Variants in NLGN4X observed in about 807,000 individuals in gnomAD.
NLGN4X encodes neuroligin 4 X-linked.
In NLGN4X, 3 loss-of-function variants were observed where a neutral mutation model predicts 40.3. The observed-to-expected ratio is 0.07, with a 90% CI of 0.03 to 0.19. The LOEUF (loss-of-function observed/expected upper bound fraction) is 0.19, where lower values mean the gene tolerates loss of function less well. Ranked by LOEUF, NLGN4X falls within the 10% of genes least tolerant of loss-of-function variation. The pLI is 1.00. For missense variants in NLGN4X, 382 were observed against 708.3 expected, an observed-to-expected ratio of 0.54 and a Z score of 5.23; for synonymous variants, 270 against 306.8, an observed-to-expected ratio of 0.88 and a Z score of 1.25.
intron 2 of NLGN4X, among the ~76,000 whole-genome samples, chrX:6,138,209 T>C (rs181902520): frequency 2.2e-4 from 25 of 112,188 alleles, no homozygotes; most frequent in Non-Finnish European, 3.2e-4. Context: ...TCAATATATA[T>C]AAGCCAAGGG....
intron 2 of NLGN4X, among the ~76,000 whole-genome samples, chrX:6,041,486 T>C (rs1447594087): frequency 8.9e-6 from 1 of 111,935 alleles, no homozygotes; most frequent in Non-Finnish European, 1.9e-5. Flanking sequence ...GCCCATATGC[T>C]CCTGGAAGAT....
At chrX:6,150,327 T>C (rs1390098124) in intron 2 of NLGN4X, among the ~76,000 whole-genome samples, 1 of 112,461 alleles carries the variant, frequency 8.9e-6, no homozygotes, top group Non-Finnish European at 1.9e-5. Flanking sequence ...TGTTGTTTTA[T>C]ATAAAAAAGG....
chrX:6,173,550 A>AC (rs201225768), intron 1 of NLGN4X, among the ~76,000 whole-genome samples: 2,711 of 111,515 alleles, frequency 0.024, 81 homozygotes, highest in African/African-American at 0.079. Context: ...AGGTCCTAAG[A>AC]CCCCCCATTC....
At position 5,890,872 on chromosome X, in the gene NLGN4X, A is replaced by G. The variant is rs73450215; in HGVS notation, c.*1945T>C. On this transcript the variant is annotated 3_prime_UTR_variant, in exon 6 of 6. Coordinates refer to ENST00000381095, the MANE Select transcript of NLGN4X (RefSeq NM_181332.3). Reference sequence around the variant, plus strand: ...CTAGAGGTCACTCTCAAACACTGATATATCACTATAGTTTGAGTGTAGGGA... The same window carrying G: ...CTAGAGGTCACTCTCAAACACTGATGTATCACTATAGTTTGAGTGTAGGGA... The G allele has an allele frequency of 8.9e-3, 2,867 of 321,980 alleles. 61 individuals carry two copies. The highest frequency in any genetic ancestry group is 0.069 in the African/African-American group (2,570 of 37,326). 26.5% of individuals were successfully genotyped at this position (321,980 alleles called of 1,213,427 possible).
intron 1 of NLGN4X, among the ~76,000 whole-genome samples, chrX:6,223,747 C>T (rs1363608469): frequency 8.9e-5 from 10 of 112,865 alleles, no homozygotes; most frequent in Non-Finnish European, 1.9e-4. Flanking sequence ...TTGATTCTCA[C>T]TTCCTCTAAT....
intron 1 of NLGN4X, among the ~76,000 whole-genome samples, chrX:6,210,272 G>GTA (rs1214452437): frequency 1.3e-5 from 1 of 74,846 alleles, no homozygotes; most frequent in Non-Finnish European, 2.2e-5. Flanking sequence ...GTGTGTGTGT[G>GTA]TGTATGTATG....
intron 3 of NLGN4X, among the ~76,000 whole-genome samples, chrX:5,957,779 C>T (rs1477031898): frequency 8.9e-6 from 1 of 111,861 alleles, no homozygotes; most frequent in Non-Finnish European, 1.9e-5. Context: ...GATTAAGCAG[C>T]CCTGAATCAC....
intron 1 of NLGN4X, among the ~76,000 whole-genome samples, chrX:6,223,120 A>T (rs1290711004): frequency 9.0e-6 from 1 of 110,727 alleles, no homozygotes; most frequent in East Asian, 2.8e-4. Flanking sequence ...CCTTACTATA[A>T]TATGTATTAC....
chrX:6,117,688 C>G (rs2039333401), intron 2 of NLGN4X, among the ~76,000 whole-genome samples: 1 of 112,311 alleles, frequency 8.9e-6, no homozygotes, highest in Non-Finnish European at 1.9e-5. Context: ...ACAGCTGATC[C>G]TTTTTCCTGA....
intron 1 of NLGN4X, among the ~76,000 whole-genome samples, chrX:6,210,177 T>C (rs1924446571): frequency 9.0e-6 from 1 of 111,442 alleles, no homozygotes; most frequent in South Asian, 3.8e-4. Context: ...ATAATTTTAC[T>C]TAACTGTGGG....
At chrX:6,179,183 T>C (rs767048662) in intron 1 of NLGN4X, among the ~76,000 whole-genome samples, 55 of 107,620 alleles carry the variant, frequency 5.1e-4, no homozygotes, top group Non-Finnish European at 7.1e-4. Flanking sequence ...TATGCATACA[T>C]TGAGATAATT....
At chrX:6,190,220 TG>T (rs1922420924) in intron 1 of NLGN4X, among the ~76,000 whole-genome samples, 2 of 111,589 alleles carry the variant, frequency 1.8e-5, no homozygotes, top group South Asian at 3.7e-4. Flanking sequence ...TCAACTTTGT[TG>T]GAAACAAGAG....
At chrX:5,931,106 T>C (rs2033529409) in intron 3 of NLGN4X, among the ~76,000 whole-genome samples, 1 of 112,152 alleles carries the variant, frequency 8.9e-6, no homozygotes, top group African/African-American at 3.2e-5. Context: ...TGGATCTATA[T>C]AGTGATGGGT....
chrX:6,048,179 ACT>A (rs1273094088), intron 2 of NLGN4X, among the ~76,000 whole-genome samples: 1 of 111,407 alleles, frequency 9.0e-6, no homozygotes, highest in African/African-American at 3.3e-5. Context: ...TCACCTTAGA[ACT>A]CTCTGACACG....
At chrX:6,146,928 TTA>T (rs1214133856) in intron 2 of NLGN4X, among the ~76,000 whole-genome samples, 2 of 109,812 alleles carry the variant, frequency 1.8e-5, no homozygotes, top group African/African-American at 6.6e-5. Context: ...GTAGCTGAGA[TTA>T]CAGGCGCACA....
Position 6,153,048 on chromosome X carries a change from T to C in NLGN4X, c.-305-1277A>G, listed in dbSNP as rs562159201. Among the ~76,000 whole-genome samples the C allele has an allele frequency of 5.1e-4, 58 of 112,860 alleles. 1 individual carries two copies. The South Asian group carries it at 0.019, about 38-fold the overall frequency. ...AATGATCCCCTAGGAACAGAAAATA[T>C]TTCACTAGGTGTTGCAAGGAGGGTG... On this transcript the variant is annotated intron_variant, in intron 1 of 5. Coordinates refer to ENST00000381095, the MANE Select transcript of NLGN4X (RefSeq NM_181332.3).
intron 1 of NLGN4X, among the ~76,000 whole-genome samples, chrX:6,154,747 T>A: frequency 8.9e-6 from 1 of 112,015 alleles, no homozygotes; most frequent in Non-Finnish European, 1.9e-5. Context: ...AAGGGCTATA[T>A]AGCATGTATT....
chrX:6,054,975 G>A (rs2037584916), intron 2 of NLGN4X, among the ~76,000 whole-genome samples: 1 of 112,115 alleles, frequency 8.9e-6, no homozygotes, highest in Admixed American at 9.4e-5. Context: ...TTTTTAATGT[G>A]GCTCTCTAGA....
At chrX:5,987,874 G>A (rs1309179875) in intron 3 of NLGN4X, among the ~76,000 whole-genome samples, 1 of 111,685 alleles carries the variant, frequency 9.0e-6, no homozygotes, top group Non-Finnish European at 1.9e-5. Flanking sequence ...AGGAGTTTGA[G>A]ACCCACCTGG....
Sources: allele counts gnomAD v4.1 joint callset (sites outside exome capture counted in the v4.1 genomes callset), GRCh38; gene constraint gnomAD v4.1.1; transcripts MANE v1.5; gene names NCBI Gene and HGNC (gene_info 2026-07-23, HGNC 2026-07-21).